The following GJA3 variants were observed in gnomAD, a reference collection of about 807,000 sequenced individuals.
GJA3 encodes the protein gap junction protein alpha 3.
For synonymous variants in GJA3, 297 were observed against 292.6 expected (o/e 1.02, Z -0.15); for missense variants, 571 against 620.3 (o/e 0.92, Z 0.84).
chr13:20,145,583 G>A (rs1044212964), intron 1 of GJA3, among the ~76,000 whole-genome samples: 13 of 152,196 alleles, frequency 8.5e-5, no homozygotes, highest in Admixed American at 2.6e-4. Flanking sequence ...ACCTGCCCAG[G>A]CGTCTGGGCA....
At chr13:20,160,188 C>A (rs1025019971) in intron 1 of GJA3, among the ~76,000 whole-genome samples, 1 of 152,170 alleles carries the variant, frequency 6.6e-6, no homozygotes, top group African/African-American at 2.4e-5. Flanking sequence ...TTTCTCAAGT[C>A]TCCTACGGGA....
rs1958807192 is a variant in GJA3, at chr13:20,141,575, G to A, written c.*406C>T. On this transcript the variant is annotated 3_prime_UTR_variant, in exon 2 of 2. Transcript: ENST00000241125. ...GCCCAGAGCTAAGACCCTCTGGGCC[G>A]CCCAGAGGCTCTGGAGAGCTTAGGA... 5.9e-6 allele frequency: 1 copy of A among 169,722 alleles called. No homozygotes were observed. The highest frequency in any genetic ancestry group is 1.3e-5 in the Non-Finnish European group (1 of 79,776). 10.5% of individuals were successfully genotyped at this position (169,722 alleles called of 1,614,324 possible).
At chr13:20,151,722 C>T (rs539909647) in intron 1 of GJA3, among the ~76,000 whole-genome samples, 11 of 152,044 alleles carry the variant, frequency 7.2e-5, no homozygotes, top group Admixed American at 3.3e-4. Flanking sequence ...CAAGCTGAGG[C>T]GGGGGAGGCA....
chr13:20,141,751 A>C lies in GJA3; in HGVS notation c.*230T>G. ...AAGGCCCACAACCCTTGTCCCCGCC[A>C]CCCCCAAACTCAGAAAGTGGGAGTT... On this transcript the variant is annotated 3_prime_UTR_variant, in exon 2 of 2. Transcript: ENST00000241125. 1 of 612,128 alleles carries C rather than the reference A, an allele frequency of 1.6e-6. No individual in the cohort carries two copies. Among genetic ancestry groups the C allele is most frequent in the East Asian group, 3.1e-5 (1 of 32,312 alleles). The allele number at this position is 612,128 out of a possible 1,614,324, so 37.9% of individuals were successfully genotyped here.
intron 1 of GJA3, among the ~76,000 whole-genome samples, chr13:20,158,913 A>T (rs1958920576): frequency 2.7e-5 from 1 of 37,716 alleles, no homozygotes; most frequent in Non-Finnish European, 5.9e-5. Context: ...CAAAACTCTC[A>T]AAAAAAAAAA....
intron 1 of GJA3, 28 bp from the exon 2 acceptor site, chr13:20,143,333 CG>C: frequency 6.9e-7 from 1 of 1,450,748 alleles, no homozygotes; most frequent in Non-Finnish European, 9.1e-7. Flanking sequence ...TCATGAACAC[CG>C]GGCTGCAACG....
At chr13:20,148,988 G>A (rs9509057) in intron 1 of GJA3, among the ~76,000 whole-genome samples, 116,935 of 152,178 alleles carry the variant, frequency 0.77, 45,510 homozygotes, top group Non-Finnish European at 0.83. Flanking sequence ...TTGATTCTTA[G>A]TCGTCTGAAT....
intron 1 of GJA3, among the ~76,000 whole-genome samples, chr13:20,154,326 C>A (rs4769955): frequency 1.3e-5 from 2 of 151,982 alleles, no homozygotes; most frequent in African/African-American, 2.4e-5. Context: ...TTTATCCCTC[C>A]ATACTTCTTT....
chr13:20,145,717 C>T (rs752398376), intron 1 of GJA3, among the ~76,000 whole-genome samples: 1 of 152,240 alleles, frequency 6.6e-6, no homozygotes, highest in Non-Finnish European at 1.5e-5. Flanking sequence ...CCTAAAGCCC[C>T]GCTCCGTCCG....
At chr13:20,149,378 G>T (rs1303998935) in intron 1 of GJA3, among the ~76,000 whole-genome samples, 2 of 152,078 alleles carry the variant, frequency 1.3e-5, no homozygotes, top group Non-Finnish European at 2.9e-5. Context: ...CCAGCTACGT[G>T]GGGGGCTGTG....
At chr13:20,159,456 C>CAAAAAAAAAA (rs57613247) in intron 1 of GJA3, among the ~76,000 whole-genome samples, 1 of 51,734 alleles carries the variant, frequency 1.9e-5, no homozygotes, top group Non-Finnish European at 3.0e-5. Flanking sequence ...GACTCCATCT[C>CAAAAAAAAAA]AAAAAAAAAA....
chr13:20,146,225 G>A (rs1958841770), intron 1 of GJA3, among the ~76,000 whole-genome samples: 1 of 152,208 alleles, frequency 6.6e-6, no homozygotes, highest in African/African-American at 2.4e-5. Flanking sequence ...AGAGCACCAT[G>A]AGGGAGGGGT....
intron 1 of GJA3, among the ~76,000 whole-genome samples, chr13:20,153,144 C>G (rs1454700885): frequency 6.6e-6 from 1 of 152,156 alleles, no homozygotes; most frequent in Non-Finnish European, 1.5e-5. Context: ...ATCGTCCCAC[C>G]CTTTTCATAG....
intron 1 of GJA3, among the ~76,000 whole-genome samples, chr13:20,151,285 T>C (rs1213732881): frequency 2.0e-5 from 3 of 152,000 alleles, no homozygotes; most frequent in African/African-American, 7.2e-5. Context: ...GGAAGCTTGA[T>C]AGCAAGGACT....
At chr13:20,156,095 G>A (rs1336378875) in intron 1 of GJA3, among the ~76,000 whole-genome samples, 3 of 152,106 alleles carry the variant, frequency 2.0e-5, no homozygotes, top group African/African-American at 4.8e-5. Context: ...AAGCATGTAC[G>A]ACAGTGTCTG....
intron 1 of GJA3, among the ~76,000 whole-genome samples, chr13:20,156,206 T>C (rs1218831705): frequency 1.3e-5 from 2 of 152,220 alleles, no homozygotes; most frequent in Non-Finnish European, 2.9e-5. Flanking sequence ...AATCTTTATT[T>C]GGCTAAAGTA....
rs1176216235 is a variant in GJA3 at position 20,141,101 on chromosome 13, A to C, written c.*880T>G. 1 of 152,256 alleles carries C rather than the reference A, an allele frequency of 6.6e-6. No homozygotes were observed. The highest frequency in any genetic ancestry group is 1.5e-5 in the Non-Finnish European group (1 of 68,046). The allele number at this position is 152,256 out of a possible 1,614,324, so 9.4% of individuals were successfully genotyped here. A position where few individuals can be genotyped will look rare whatever the true frequency, so the allele number is the denominator to read the frequency against. On this transcript the variant is annotated 3_prime_UTR_variant, in exon 2 of 2. Coordinates refer to ENST00000241125, the MANE Select transcript of GJA3 (RefSeq NM_021954.4). Reference sequence around the variant, plus strand: ...GCAAATTAGCACTGTCTTGGTCAGCAATCATTCTAACAGTATTTAAAGAAA... The same window carrying C: ...GCAAATTAGCACTGTCTTGGTCAGCCATCATTCTAACAGTATTTAAAGAAA...
chr13:20,155,368 T>C (rs947662396), intron 1 of GJA3, among the ~76,000 whole-genome samples: 1 of 152,170 alleles, frequency 6.6e-6, no homozygotes, highest in Non-Finnish European at 1.5e-5. Flanking sequence ...TGTCTTTTTT[T>C]TTAGGGGGGT....
chr13:20,142,036 C>G lies in GJA3; in HGVS notation c.1253G>C (p.Ser418Thr). 1.3e-6 allele frequency: 2 copies of G among 1,550,364 alleles called. No homozygotes were observed. The highest frequency in any genetic ancestry group is 1.7e-6 in the Non-Finnish European group (2 of 1,146,850). The part of the protein sequence containing the change: ...PLPLGDPGRA[S>T]KASRASSGRA... Reference sequence around the variant, plus strand: ...CCCGCTGCTGGCCCTGCTGGCCTTGCTGGCCCGACCTGGGTCTCCGAGGGG... The same window carrying G: ...CCCGCTGCTGGCCCTGCTGGCCTTGGTGGCCCGACCTGGGTCTCCGAGGGG... Residue 418 changes from serine to threonine, a missense_variant, in exon 2 of 2, where the codon AGC (serine) becomes ACC (threonine). Transcript: ENST00000241125.
Sources: gnomAD v4.1 joint callset for allele counts (sites outside exome capture counted in the v4.1 genomes callset) on GRCh38, gnomAD v4.1.1 for gene constraint, MANE v1.5 for transcripts, NCBI Gene and HGNC (gene_info 2026-07-23, HGNC 2026-07-21) for gene names.